Variants in EVL observed in about 807,000 individuals in gnomAD.
EVL encodes Enah/Vasp-like, also known as ena/VASP-like protein.
Under a neutral mutation model 59.6 loss-of-function variants are expected in EVL, and 21 were observed. The ratio of observed to expected loss-of-function variants is 0.35; its 90% CI spans 0.25 to 0.51. EVL has a LOEUF of 0.51. Among genes scored for constraint, EVL ranks in the 20% least tolerant of loss-of-function variants. The pLI, the probability that EVL is intolerant of heterozygous loss-of-function variation, is 0.97. For synonymous variants in EVL, 198 were observed against 203.5 expected (o/e 0.97, Z 0.23); for missense variants, 462 against 546.6 (o/e 0.85, Z 1.54).
At chr14:99,974,759 C>A (rs2060758372) in intron 1 of EVL, 1 of 152,370 alleles carries the variant, frequency 6.6e-6, no homozygotes. Flanking sequence ...GTAGTAGGTA[C>A]CGTCTTGGAG....
chr14:100,009,900 T>C (rs1051812582), intron 1 of EVL, among the ~76,000 whole-genome samples: 3 of 152,218 alleles, frequency 2.0e-5, no homozygotes, highest in Admixed American at 2.0e-4. Flanking sequence ...GGTTGGAAAT[T>C]GGTTAAGTTT....
chr14:100,002,246 C>G (rs2060950419), intron 1 of EVL, among the ~76,000 whole-genome samples: 1 of 152,098 alleles, frequency 6.6e-6, no homozygotes, highest in Admixed American at 6.5e-5. Context: ...GTCACAATCT[C>G]CAAAGTTATC....
chr14:100,062,967 G>A (rs1035736014), upstream of EVL, among the ~76,000 whole-genome samples: 4 of 152,132 alleles, frequency 2.6e-5, no homozygotes, highest in Non-Finnish European at 5.9e-5. Flanking sequence ...GCATGATGGT[G>A]TGTGCCTATA....
chr14:100,037,451 C>G (rs937174453), intron 1 of EVL, among the ~76,000 whole-genome samples: 1 of 152,212 alleles, frequency 6.6e-6, no homozygotes, highest in South Asian at 2.1e-4. Flanking sequence ...TCTGAAAATA[C>G]TCTTGCACCT....
chr14:100,077,088 A>G (rs976975569), intron 1 of EVL, among the ~76,000 whole-genome samples: 8 of 152,298 alleles, frequency 5.3e-5, no homozygotes, highest in African/African-American at 9.6e-5. Flanking sequence ...AGAGCTCCCA[A>G]TGAGGGAAGA....
chr14:100,083,994 T>C (rs968349906), intron 1 of EVL, among the ~76,000 whole-genome samples: 2 of 151,942 alleles, frequency 1.3e-5, no homozygotes, highest in Non-Finnish European at 2.9e-5. Context: ...AGGTAATAAA[T>C]AGCTGCTTCA....
chr14:100,061,505 G>A (rs561985512), upstream of EVL, among the ~76,000 whole-genome samples: 3 of 148,306 alleles, frequency 2.0e-5, no homozygotes, highest in East Asian at 5.9e-4. Flanking sequence ...TCAAGTGCTC[G>A]GGGATGGATA....
intron 2 of EVL, among the ~76,000 whole-genome samples, chr14:100,097,225 C>T (rs1408881140): frequency 6.6e-6 from 1 of 152,226 alleles, no homozygotes. Flanking sequence ...GGGAACCTGC[C>T]TCCCAGCTCA....
At chr14:100,041,291 A>G (rs964390043) in intron 1 of EVL, among the ~76,000 whole-genome samples, 5 of 152,200 alleles carry the variant, frequency 3.3e-5, no homozygotes, top group Non-Finnish European at 5.9e-5. Flanking sequence ...GTTACAAGCC[A>G]TGAGATGTGA....
rs2140364928 is a variant in EVL at position 100,121,988 on chromosome 14, G to T, written c.359-1551G>T. ...ATCCAGGAGTGAACTCAGCCGTTGA[G>T]ACCCGGTCTTAGAACAAGGCAGATG... On this transcript the variant is annotated intron_variant, in intron 3 of 13. Coordinates refer to ENST00000392920, the MANE Select transcript of EVL (RefSeq NM_016337.3). Among the ~76,000 whole-genome samples, 3 of 152,336 alleles carry T rather than the reference G, an allele frequency of 2.0e-5. 1 individual carries two copies. Among genetic ancestry groups the T allele is most frequent in the Middle Eastern group, 3.4e-3 (1 of 294 alleles).
intron 3 of EVL, among the ~76,000 whole-genome samples, chr14:100,099,816 G>A (rs533642213): frequency 3.3e-5 from 5 of 150,568 alleles, no homozygotes; most frequent in Non-Finnish European, 5.9e-5. Context: ...CTTGTGATCC[G>A]CCCACCTTGG....
At chr14:100,026,910 A>G (rs1012076699) in intron 1 of EVL, among the ~76,000 whole-genome samples, 1 of 152,162 alleles carries the variant, frequency 6.6e-6, no homozygotes, top group Non-Finnish European at 1.5e-5. Context: ...ATCTACAACC[A>G]TGTGGATCTT....
At chr14:100,081,398 G>C (rs2062300620) in intron 1 of EVL, among the ~76,000 whole-genome samples, 1 of 151,822 alleles carries the variant, frequency 6.6e-6, no homozygotes, top group Non-Finnish European at 1.5e-5. Flanking sequence ...CTTGCATTTA[G>C]GTTTTGTTAG....
intron 3 of EVL, among the ~76,000 whole-genome samples, chr14:100,117,239 G>T (rs1188778614): frequency 6.6e-6 from 1 of 152,222 alleles, no homozygotes; most frequent in East Asian, 1.9e-4. Flanking sequence ...AAGGCTCTCT[G>T]TACAGCCCTG....
intron 3 of EVL, among the ~76,000 whole-genome samples, chr14:100,100,686 G>A (rs1005914738): frequency 6.6e-6 from 1 of 151,640 alleles, no homozygotes; most frequent in African/African-American, 2.4e-5. Context: ...GGCTGAGGTG[G>A]GAGGATTGCT....
chr14:99,990,470 T>G (rs2140177523), intron 1 of EVL, among the ~76,000 whole-genome samples: 1 of 152,286 alleles, frequency 6.6e-6, no homozygotes, highest in Middle Eastern at 3.4e-3. Context: ...AAACTGAAAC[T>G]CTAAACCCCA....
At chr14:100,138,105 G>A (rs1467465235) in intron 11 of EVL, 2 of 507,932 alleles carry the variant, frequency 3.9e-6, no homozygotes, top group Non-Finnish European at 7.1e-6. Flanking sequence ...GGGCAAGTTA[G>A]GGGACCTCTC....
chr14:100,063,435 C>G (rs1444326456), upstream of EVL, among the ~76,000 whole-genome samples: 1 of 152,160 alleles, frequency 6.6e-6, no homozygotes, highest in Non-Finnish European at 1.5e-5. Flanking sequence ...TATCATCTTA[C>G]AAAACTCTAA....
At chr14:100,047,597 T>C (rs943628363) in intron 1 of EVL, among the ~76,000 whole-genome samples, 2 of 152,220 alleles carry the variant, frequency 1.3e-5, no homozygotes, top group African/African-American at 4.8e-5. Flanking sequence ...CGTCAAGGAA[T>C]GCTTCCAGGT....
Sources: allele counts gnomAD v4.1 joint callset (sites outside exome capture counted in the v4.1 genomes callset), GRCh38; gene constraint gnomAD v4.1.1; transcripts MANE v1.5; gene names NCBI Gene and HGNC (gene_info 2026-07-23, HGNC 2026-07-21).